OMD: variants seen among roughly 807,000 people sequenced by gnomAD.
The protein encoded by OMD is KSPG osteomodulin.
OMD carries 19 observed loss-of-function variants against 31.2 expected under a neutral mutation model. The ratio of observed to expected loss-of-function variants is 0.61; its 90% CI spans 0.42 to 0.89. The LOEUF (loss-of-function observed/expected upper bound fraction) is 0.89, where lower values mean the gene tolerates loss of function less well. OMD is among the 40% of genes least tolerant of loss of function. The pLI is 0.00. For missense variants in OMD, 448 were observed against 490.8 expected (o/e 0.91, Z 0.82); for synonymous variants, 155 against 166.4 (o/e 0.93, Z 0.53).
chr9:92,421,726 G>A (rs1392167570), intron 1 of OMD, among the ~76,000 whole-genome samples: 1 of 152,198 alleles, frequency 6.6e-6, no homozygotes, highest in Non-Finnish European at 1.5e-5. Flanking sequence ...TAAGTTGGTG[G>A]AGAATACAGA....
At chr9:92,421,288 C>G (rs111897024) in intron 1 of OMD, among the ~76,000 whole-genome samples, 6 of 152,216 alleles carry the variant, frequency 3.9e-5, no homozygotes, top group Non-Finnish European at 8.8e-5. Flanking sequence ...AGTCTGCCCC[C>G]CTCAGCCTCC....
rs147572424 is a variant in OMD, at chr9:92,421,319, C to T, written c.-17+2883G>A. Among the ~76,000 whole-genome samples the T allele has an allele frequency of 8.5e-3, 1,288 of 152,320 alleles. 5 individuals are homozygous for T. Among genetic ancestry groups the T allele is most frequent in the Non-Finnish European group, 0.014 (937 of 68,032 alleles). ...CCTCCCAAAGTGCTGGGATTACAGGCATGAGCCACCACCCCCGGCCTTGGA... is the reference window on the plus strand; with the variant it reads ...CCTCCCAAAGTGCTGGGATTACAGGTATGAGCCACCACCCCCGGCCTTGGA... On this transcript the variant is annotated intron_variant, in intron 1 of 2. Coordinates refer to ENST00000375550, the MANE Select transcript of OMD (RefSeq NM_005014.3).
intron 2 of OMD, among the ~76,000 whole-genome samples, chr9:92,416,108 T>TA (rs1305932430): frequency 2.8e-5 from 4 of 141,344 alleles, no homozygotes; most frequent in African/African-American, 1.0e-4. Flanking sequence ...ATTTTATTTT[T>TA]TTTTTTTTTA....
rs1203682991 is a variant in OMD, at chr9:92,413,385, A to G, written c.*1767T>C. Among the ~76,000 whole-genome samples the G allele has an allele frequency of 6.6e-6, 1 of 152,032 alleles. No homozygotes were observed. The highest frequency in any genetic ancestry group is 1.5e-5 in the Non-Finnish European group (1 of 67,994). On this transcript the variant is annotated 3_prime_UTR_variant, in exon 3 of 3. Coordinates refer to ENST00000375550, the MANE Select transcript of OMD (RefSeq NM_005014.3). ...GGTGTATGAAGGCTCCAATTTTTCC[A>G]CATCTTGCCAACACTTGTTATTTGT...
At position 92,413,198 on chromosome 9, in the gene OMD, G is replaced by T. The variant is rs1390062143; in HGVS notation, c.*1954C>A. 6.6e-6 allele frequency among the ~76,000 whole-genome samples: 1 copy of T among 151,900 alleles called. No individual in the cohort carries two copies. The highest frequency in any genetic ancestry group is 1.5e-5 in the Non-Finnish European group (1 of 67,968). On this transcript the variant is annotated 3_prime_UTR_variant, in exon 3 of 3. Coordinates refer to ENST00000375550, the MANE Select transcript of OMD (RefSeq NM_005014.3). ...GATGGGGTTTCTCCATGTTGGTCAG[G>T]CTGGTCTCAAACTCCCGACCCCAGG...
At chr9:92,418,770 C>G (rs942200725) in intron 1 of OMD, among the ~76,000 whole-genome samples, 1 of 152,046 alleles carries the variant, frequency 6.6e-6, no homozygotes, top group African/African-American at 2.4e-5. Context: ...TTCATGTTTC[C>G]TTTTAATATT....
chr9:92,415,130 T>G lies in OMD; in HGVS notation c.*22A>C, dbSNP rs1843550874. The G allele has an allele frequency of 6.4e-7, 1 of 1,564,076 alleles. No homozygotes were observed. Among genetic ancestry groups the G allele is most frequent in the Non-Finnish European group, 8.7e-7 (1 of 1,154,412 alleles). On this transcript the variant is annotated 3_prime_UTR_variant, in exon 3 of 3. Transcript: ENST00000375550. ...AGTATAGGTTTTGTGAAGTCGTAAG[T>G]GTATACCTATATAGTTTCTTGCTAT...
intron 1 of OMD, among the ~76,000 whole-genome samples, chr9:92,423,087 C>CTAG (rs754393918): frequency 1.3e-5 from 2 of 152,070 alleles, no homozygotes; most frequent in Non-Finnish European, 2.9e-5. Flanking sequence ...TTGATTATTC[C>CTAG]TAGGCATTTA....
chr9:92,414,445 A>G lies in OMD; in HGVS notation c.*707T>C, dbSNP rs1588112740. ...TGAAATCTGCTAAAATACAAATTGC[A>G]ATGAGATAGTTTGGTGTTTTTTAGT... On this transcript the variant is annotated 3_prime_UTR_variant, in exon 3 of 3. Transcript: ENST00000375550. 9.6e-6 allele frequency: 2 copies of G among 208,434 alleles called. No homozygotes were observed. The highest frequency in any genetic ancestry group is 1.5e-4 in the East Asian group (2 of 13,646). The allele number at this position is 208,434 out of a possible 1,614,324, so 12.9% of individuals were successfully genotyped here. A position where few individuals can be genotyped will look rare whatever the true frequency, so the allele number is the denominator to read the frequency against.
chr9:92,419,828 G>A (rs1843732267), intron 1 of OMD, among the ~76,000 whole-genome samples: 1 of 152,064 alleles, frequency 6.6e-6, no homozygotes, highest in African/African-American at 2.4e-5. Flanking sequence ...TGCATATAAT[G>A]AAATGACTTA....
chr9:92,418,099 A>G (rs748927199), intron 1 of OMD, among the ~76,000 whole-genome samples: 3 of 149,778 alleles, frequency 2.0e-5, no homozygotes, highest in Non-Finnish European at 4.4e-5. Flanking sequence ...TTTTCTTTTT[A>G]TTTTTGAGAT....
At chr9:92,421,126 A>G (rs1282753327) in intron 1 of OMD, among the ~76,000 whole-genome samples, 1 of 152,068 alleles carries the variant, frequency 6.6e-6, no homozygotes, top group Non-Finnish European at 1.5e-5. Flanking sequence ...CTCACCCTCC[A>G]TCTCCTGGGC....
Position 92,415,427 on chromosome 9 carries a change from G to T in OMD, c.991C>A (p.His331Asn). Residue 331 changes from histidine (H) to asparagine (N), a missense_variant, in exon 3 of 3, where the codon CAT becomes AAT. Physicochemically the swap from His to Asn is moderately conservative, Grantham distance 68 (BLOSUM62 1). Transcript: ENST00000375550. ...TGGTCCACACGAATGTATGTTAAATGGTGGTAATGTAGTGGGTCAATAGAA... is the reference window on the plus strand; with the variant it reads ...TGGTCCACACGAATGTATGTTAAATTGTGGTAATGTAGTGGGTCAATAGAA... ...CPSIDPLHYH[H>N]LTYIRVDQNK... is the part of the protein sequence containing the mutation. 1.9e-6 allele frequency: 3 copies of T among 1,613,294 alleles called. No homozygotes were observed. Among genetic ancestry groups the T allele is most frequent in the South Asian group, 1.1e-5 (1 of 90,982 alleles).
Position 92,414,996 on chromosome 9 carries a change from A to G in OMD, c.*156T>C, listed in dbSNP as rs985626366. Reference sequence around the variant, plus strand: ...TTTGAGTAAGTTCTAATCCTATGAAATGATGCAGATGTCACCAACAACTTA... The same window carrying G: ...TTTGAGTAAGTTCTAATCCTATGAAGTGATGCAGATGTCACCAACAACTTA... On this transcript the variant is annotated 3_prime_UTR_variant, in exon 3 of 3. Transcript: ENST00000375550. 2.0e-6 allele frequency: 1 copy of G among 506,834 alleles called. No individual in the cohort carries two copies. Among genetic ancestry groups the G allele is most frequent in the South Asian group, 4.4e-5 (1 of 22,840 alleles). The allele number at this position is 506,834 out of a possible 1,614,324, so 31.4% of individuals were successfully genotyped here.
chr9:92,415,171 T>C lies in OMD; in HGVS notation c.1247A>G (p.Tyr416Cys), dbSNP rs1564308312. The C allele has an allele frequency of 1.2e-6, 2 of 1,606,886 alleles. No individual in the cohort carries two copies. Among genetic ancestry groups the C allele is most frequent in the Non-Finnish European group, 1.7e-6 (2 of 1,177,916 alleles). ...TTCTTGCTATTCTTGATTTTCATAATAATGAAGGTCAAAGTGCCCTTCTGC... is the reference window on the plus strand; with the variant it reads ...TTCTTGCTATTCTTGATTTTCATAACAATGAAGGTCAAAGTGCCCTTCTGC... ...EGAEGHFDLH[Y>C]YENQE The change falls in exon 3 of 3, where the codon TAT (tyrosine) becomes TGT (cysteine). Residue 416 changes from tyrosine to cysteine, a missense_variant. Tyr to Cys is a radical substitution (Grantham distance 194). Coordinates refer to ENST00000375550, the MANE Select transcript of OMD (RefSeq NM_005014.3).
chr9:92,420,511 C>A (rs1175163997), intron 1 of OMD, among the ~76,000 whole-genome samples: 1 of 152,178 alleles, frequency 6.6e-6, no homozygotes, highest in Non-Finnish European at 1.5e-5. Context: ...GACCACTAAC[C>A]TCAAGTGCTG....
Position 92,417,268 on chromosome 9 carries a change from G to T in OMD, c.291C>A (p.Tyr97Ter), listed in dbSNP as rs1420141403. Reference protein sequence around the residue: ...PNIPMHIQQLYLQFNEIEAVT... With the variant: ...PNIPMHIQQL ...CAGCCTCAATTTCATTGAACTGAAG[G>T]TAGAGTTGCTGAATGTGCATCGGAA... Residue 97 changes from tyrosine to a stop codon, truncating the protein, a stop_gained, in exon 2 of 3, where the codon TAC becomes TAA. Coordinates refer to ENST00000375550, the MANE Select transcript of OMD (RefSeq NM_005014.3). LOFTEE classifies it high-confidence loss of function. 1 of 1,613,964 alleles carries T rather than the reference G, an allele frequency of 6.2e-7. No individual in the cohort carries two copies. Among genetic ancestry groups the T allele is most frequent in the Non-Finnish European group, 8.5e-7 (1 of 1,179,986 alleles).
rs142713990 is a variant in OMD, at chr9:92,417,290, G to A, written c.269C>T (p.Pro90Leu). ...AAGGTAGAGTTGCTGAATGTGCATC[G>A]GAATATTTGGGATAGTCTTGAGTTT... The part of the protein sequence containing the change: ...NRKLKTIPNI[P>L]MHIQQLYLQF... Residue 90 changes from proline to leucine, a missense_variant, in exon 2 of 3, where the codon CCG (proline) becomes CTG (leucine). Pro to Leu is a moderately conservative substitution (Grantham distance 98). Coordinates refer to ENST00000375550, the MANE Select transcript of OMD (RefSeq NM_005014.3). 1.2e-5 allele frequency: 20 copies of A among 1,613,914 alleles called. No homozygotes were observed. The East Asian group carries it at 1.3e-4, about 11-fold the overall frequency.
At position 92,423,757 on chromosome 9, in the gene OMD, T is replaced by C. The variant is rs138466454; in HGVS notation, c.-17+445A>G. Among the ~76,000 whole-genome samples the C allele has an allele frequency of 9.7e-4, 148 of 152,210 alleles. 3 individuals carry two copies. In the East Asian group the frequency reaches 0.025, roughly 26 times the overall value. On this transcript the variant is annotated intron_variant, in intron 1 of 2. Transcript: ENST00000375550. ...TCAGGGATTTAGTCAGTAGAGAAAT[T>C]TGGAGAAAATCTTGAGTGAAATTTG...
Sources: allele counts gnomAD v4.1 joint callset (sites outside exome capture counted in the v4.1 genomes callset), GRCh38; gene constraint gnomAD v4.1.1; transcripts MANE v1.5; gene names NCBI Gene and HGNC (gene_info 2026-07-23, HGNC 2026-07-21).